STPG2: variants seen among roughly 807,000 people sequenced by gnomAD.
STPG2 encodes the protein sperm tail PG-rich repeat containing 2.
STPG2 carries 56 observed loss-of-function variants against 54.2 expected under a neutral mutation model. The observed-to-expected ratio is 1.03, with a 90% CI of 0.83 to 1.29. The LOEUF (loss-of-function observed/expected upper bound fraction) is 1.29. Among genes scored for constraint, STPG2 ranks in the 50% most tolerant of loss-of-function variants. The pLI is 0.00. For synonymous variants in STPG2, 200 were observed against 181.8 expected (o/e 1.10, Z -0.81); for missense variants, 596 against 544.9 (o/e 1.09, Z -0.93).
At chr4:97,469,184 G>C (rs141119691) in intron 4 of STPG2, among the ~76,000 whole-genome samples, 2 of 152,056 alleles carry the variant, frequency 1.3e-5, no homozygotes, top group East Asian at 1.9e-4. Flanking sequence ...AAATCCACCT[G>C]TTTATTGGCT....
intron 9 of STPG2, among the ~76,000 whole-genome samples, chr4:97,720,089 C>T (rs1217929115): frequency 2.0e-5 from 3 of 151,948 alleles, no homozygotes; most frequent in Non-Finnish European, 4.4e-5. Flanking sequence ...TTCATGATAA[C>T]TGAAGAGGCA....
intron 3 of STPG2, among the ~76,000 whole-genome samples, chr4:98,111,867 C>T (rs1261975061): frequency 6.6e-6 from 1 of 151,970 alleles, no homozygotes; most frequent in African/African-American, 2.4e-5. Flanking sequence ...TCTGAGATGC[C>T]CATCTTCTCC....
chr4:97,841,024 T>C (rs1236318483), intron 8 of STPG2, 92 bp from the exon 9 acceptor site: 1 of 1,249,766 alleles, frequency 8.0e-7, no homozygotes, highest in African/African-American at 1.6e-5. Context: ...AAGCAATGAA[T>C]AGAAAAATCC....
At chr4:97,933,503 C>T (rs1444306831) in intron 8 of STPG2, among the ~76,000 whole-genome samples, 5 of 152,072 alleles carry the variant, frequency 3.3e-5, no homozygotes. Flanking sequence ...TTGGGTTTTA[C>T]ATTTAAGTCT....
At chr4:97,620,735 T>C (rs1292118614) in intron 10 of STPG2, among the ~76,000 whole-genome samples, 2 of 152,042 alleles carry the variant, frequency 1.3e-5, no homozygotes, top group Non-Finnish European at 1.5e-5. Flanking sequence ...AGACAGATCA[T>C]CAAGGCAGAA....
intron 4 of STPG2, among the ~76,000 whole-genome samples, chr4:97,504,177 T>G (rs1406878940): frequency 6.8e-6 from 1 of 146,702 alleles, no homozygotes; most frequent in Non-Finnish European, 1.5e-5. Context: ...TTTAAATATT[T>G]TATTTTATTT....
At chr4:97,845,588 A>G (rs533438832) in intron 8 of STPG2, among the ~76,000 whole-genome samples, 1 of 152,312 alleles carries the variant, frequency 6.6e-6, no homozygotes, top group South Asian at 2.1e-4. Flanking sequence ...TTGACCGACC[A>G]TGACTATTTA....
intron 5 of STPG2, among the ~76,000 whole-genome samples, chr4:98,040,590 T>C (rs960285765): frequency 6.6e-6 from 1 of 151,910 alleles, no homozygotes; most frequent in African/African-American, 2.4e-5. Flanking sequence ...TCCCTATATA[T>C]GTTTTTGTTG....
intron 8 of STPG2, chr4:97,893,111 G>A (rs1730833274): frequency 6.6e-6 from 1 of 152,006 alleles, no homozygotes; most frequent in South Asian, 2.1e-4. Context: ...AGTTAGGGAG[G>A]GAAACTAACT....
At chr4:97,443,090 CTG>C (rs1408976919) in intron 4 of STPG2, among the ~76,000 whole-genome samples, 1 of 152,088 alleles carries the variant, frequency 6.6e-6, no homozygotes, top group East Asian at 1.9e-4. Context: ...ACCTATTTAA[CTG>C]AATGGAAAAC....
intron 10 of STPG2, among the ~76,000 whole-genome samples, chr4:97,611,298 A>C (rs1733724334): frequency 1.3e-5 from 2 of 151,706 alleles, no homozygotes; most frequent in Admixed American, 1.3e-4. Context: ...TAGTATGTGG[A>C]GAGATCACAG....
intron 5 of STPG2, among the ~76,000 whole-genome samples, chr4:98,015,860 T>C: frequency 6.6e-6 from 1 of 152,070 alleles, no homozygotes; most frequent in Non-Finnish European, 1.5e-5. Context: ...ATATACACCA[T>C]GGAATACTAT....
At chr4:97,509,123 T>C (rs1730914004) in intron 4 of STPG2, among the ~76,000 whole-genome samples, 1 of 152,144 alleles carries the variant, frequency 6.6e-6, no homozygotes, top group Non-Finnish European at 1.5e-5. Context: ...CCCTACATAT[T>C]TCTATGGGCT....
intron 7 of STPG2, among the ~76,000 whole-genome samples, chr4:97,951,756 T>A (rs1733480704): frequency 6.6e-6 from 1 of 152,180 alleles, no homozygotes; most frequent in Non-Finnish European, 1.5e-5. Context: ...TGCTTTTAAT[T>A]AATTTATTTA....
At position 98,040,757 on chromosome 4, in the gene STPG2, T is replaced by A. The variant is rs190680008; in HGVS notation, c.613-59439A>T. On this transcript the variant is annotated intron_variant, in intron 5 of 10. Transcript: ENST00000295268. ...TATAATTCGAAGTCAGACAATGTGATGTCTCCTGCTTTGTTCCTTTTGCTT... is the reference window on the plus strand; with the variant it reads ...TATAATTCGAAGTCAGACAATGTGAAGTCTCCTGCTTTGTTCCTTTTGCTT... Among the ~76,000 whole-genome samples the A allele has an allele frequency of 5.9e-5, 9 of 152,096 alleles. No individual in the cohort carries two copies. In the East Asian group the frequency reaches 1.2e-3, roughly 20 times the overall value.
chr4:97,757,170 T>C (rs1482962253), intron 9 of STPG2, among the ~76,000 whole-genome samples: 7 of 152,194 alleles, frequency 4.6e-5, no homozygotes, highest in African/African-American at 1.7e-4. Flanking sequence ...GCCCATGAAG[T>C]TGAAAACTTG....
intron 5 of STPG2, among the ~76,000 whole-genome samples, chr4:98,036,955 C>G (rs1307502365): frequency 6.6e-6 from 1 of 151,950 alleles, no homozygotes; most frequent in African/African-American, 2.4e-5. Context: ...GAAAATTGAC[C>G]ACTTTATGCA....
rs140401162 is a variant in STPG2, at chr4:97,567,107, T to G, written c.1321-7990A>C. 6.1e-3 allele frequency among the ~76,000 whole-genome samples: 932 copies of G among 151,826 alleles called. 6 individuals carry two copies. Among genetic ancestry groups the G allele is most frequent in the Non-Finnish European group, 0.01 (687 of 67,930 alleles). On this transcript the variant is annotated intron_variant, in intron 10 of 10. Coordinates refer to ENST00000295268, the MANE Select transcript of STPG2 (RefSeq NM_174952.3). The stretch of plus-strand genomic sequence containing the variant: ...TCATAACATTAATCTAATCCTTACA[T>G]AGTTTATCAGGCTGGATTTTACACT...
At chr4:97,721,198 G>C (rs11725607) in intron 9 of STPG2, among the ~76,000 whole-genome samples, 1 of 151,768 alleles carries the variant, frequency 6.6e-6, no homozygotes, top group African/African-American at 2.4e-5. Context: ...AAGTAAAAAC[G>C]AATTGCTCAA....
Sources: gnomAD v4.1 joint callset for allele counts (sites outside exome capture counted in the v4.1 genomes callset) on GRCh38, gnomAD v4.1.1 for gene constraint, MANE v1.5 for transcripts, NCBI Gene and HGNC (gene_info 2026-07-23, HGNC 2026-07-21) for gene names.